GINS2: variants seen among roughly 807,000 people sequenced by gnomAD.
GINS2 encodes the protein DNA replication complex GINS protein PSF2.
A neutral mutation model predicts 21.2 loss-of-function variants in GINS2; 23 were observed. The observed-to-expected ratio is 1.08, with a 90% CI of 0.78 to 1.53. The LOEUF (loss-of-function observed/expected upper bound fraction) is 1.53. Ranked by LOEUF, GINS2 falls within the 40% of genes most tolerant of loss-of-function variation. GINS2 has a pLI of 0.00. For synonymous variants in GINS2, 118 were observed against 85.6 expected (o/e 1.38, Z -2.09); for missense variants, 323 against 233.9 (o/e 1.38, Z -2.49).
In GINS2 at chr16:85,676,518, C is replaced by T. The variant is rs944895197; in HGVS notation, c.*1694G>A. On this transcript the variant is annotated 3_prime_UTR_variant, in exon 5 of 5. Transcript: ENST00000253462. ...TCTGACCCTTCAGTGTCCAAATAAC[C>T]ACCAAAACCTGCCTGGCGGGGACAC... is the stretch of plus-strand genomic sequence containing the variant. 1 of 152,258 alleles carries T rather than the reference C, an allele frequency of 6.6e-6. No individual in the cohort carries two copies. Among genetic ancestry groups the T allele is most frequent in the Non-Finnish European group, 1.5e-5 (1 of 68,080 alleles). 9.4% of individuals were successfully genotyped at this position (152,258 alleles called of 1,614,324 possible). A position where few individuals can be genotyped will look rare whatever the true frequency, so the allele number is the denominator to read the frequency against.
intron 2 of GINS2, among the ~76,000 whole-genome samples, chr16:85,683,493 ACTGCAGCCCACAGCCTGCTC>A (rs1307555789): frequency 6.6e-6 from 1 of 151,990 alleles, no homozygotes; most frequent in African/African-American, 2.4e-5. Flanking sequence ...CCTGATACCC[ACTGCAGCCCACAGCCTGCTC>A]CTGCAGCCTC....
chr16:85,687,431 G>T (rs759977646), intron 2 of GINS2, 29 bp downstream of exon 2: 2 of 1,283,320 alleles, frequency 1.6e-6, no homozygotes, highest in Non-Finnish European at 2.1e-6. Flanking sequence ...CCCCACCCAC[G>T]CATCAACCAG....
chr16:85,688,825 T>C lies in GINS2; in HGVS notation c.74A>G (p.Lys25Arg). The C allele has an allele frequency of 1.3e-6, 2 of 1,541,312 alleles. No homozygotes were observed. Among genetic ancestry groups the C allele is most frequent in the Non-Finnish European group, 1.8e-6 (2 of 1,141,582 alleles). ...AGGCCTCACCCCGATGAGGTAGATCTTGTCCAGACTGAAGTTGGGGATAAT... is the reference window on the plus strand; with the variant it reads ...AGGCCTCACCCCGATGAGGTAGATCCTGTCCAGACTGAAGTTGGGGATAAT... ...VTIIPNFSLD[K>R]IYLIGGDLGP... Residue 25 changes from lysine (K) to arginine (R), a missense_variant, in exon 1 of 5, where the codon AAG becomes AGG. Lys to Arg is a conservative substitution (Grantham distance 26). Transcript: ENST00000253462.
rs147107148 is a variant in GINS2 at position 85,681,721 on chromosome 16, C to G, written c.206-40G>C. On this transcript the variant is annotated intron_variant, in intron 2 of 4. Coordinates refer to ENST00000253462, the MANE Select transcript of GINS2 (RefSeq NM_016095.3). ...TTAATACATTTTACCATCATTATAA[C>G]CAAGATATTTATTAAACCTTCCAAA... 2.4e-6 allele frequency: 3 copies of G among 1,249,736 alleles called. No individual in the cohort carries two copies. In the African/African-American group the frequency reaches 4.5e-5, roughly 19 times the overall value. The allele number at this position is 1,249,736 out of a possible 1,614,324, so 77.4% of individuals were successfully genotyped here.
intron 2 of GINS2, among the ~76,000 whole-genome samples, chr16:85,682,379 G>C (rs1489255235): frequency 6.6e-6 from 1 of 152,102 alleles, no homozygotes; most frequent in Non-Finnish European, 1.5e-5. Flanking sequence ...ACTAAGCCTT[G>C]TTCAGAAGGG....
rs368515344 is a variant in GINS2, at chr16:85,688,915, G to T, written c.-17C>A. ...AGCGTCCATGGCGGCGCGAGCTGCAGGCCAGAGCCTCACGGTCTCCTCGGG... is the reference window on the plus strand; with the variant it reads ...AGCGTCCATGGCGGCGCGAGCTGCATGCCAGAGCCTCACGGTCTCCTCGGG... On this transcript the variant is annotated 5_prime_UTR_variant, in exon 1 of 5. It adds an upstream start codon to the 5' untranslated region. Coordinates refer to ENST00000253462, the MANE Select transcript of GINS2 (RefSeq NM_016095.3). 9 of 1,522,928 alleles carry T rather than the reference G, an allele frequency of 5.9e-6. No homozygotes were observed. The East Asian group carries it at 1.8e-4, about 30-fold the overall frequency. 94.3% of individuals were successfully genotyped at this position (1,522,928 alleles called of 1,614,324 possible).
intron 1 of GINS2, among the ~76,000 whole-genome samples, chr16:85,688,273 C>A (rs78266357): frequency 0.067 from 10,126 of 152,066 alleles, 1,097 homozygotes; most frequent in African/African-American, 0.23. Flanking sequence ...ATAAGCCGGG[C>A]GCAGTGGCTC....
Position 85,678,125 on chromosome 16 carries a change from G to C in GINS2, c.*87C>G, listed in dbSNP as rs1011091572. On this transcript the variant is annotated 3_prime_UTR_variant, in exon 5 of 5. Transcript: ENST00000253462. Reference sequence around the variant, plus strand: ...ATCACACATTTTTCATGCATCAGAAGTGTTTCTAGAGCTCCAGAACCACGA... The same window carrying C: ...ATCACACATTTTTCATGCATCAGAACTGTTTCTAGAGCTCCAGAACCACGA... 6 of 1,142,712 alleles carry C rather than the reference G, an allele frequency of 5.3e-6. No homozygotes were observed. In the African/African-American group the frequency reaches 9.3e-5, roughly 18 times the overall value. 70.8% of individuals were successfully genotyped at this position (1,142,712 alleles called of 1,614,324 possible).
At chr16:85,685,501 TAAA>T (rs67378379) in intron 2 of GINS2, among the ~76,000 whole-genome samples, 1 of 139,250 alleles carries the variant, frequency 7.2e-6, no homozygotes, top group African/African-American at 2.6e-5. Context: ...CCATCTCCAC[TAAA>T]AAAAAAAAAT....
At chr16:85,679,936 G>A (rs573886257) in intron 3 of GINS2, among the ~76,000 whole-genome samples, 1 of 152,092 alleles carries the variant, frequency 6.6e-6, no homozygotes, top group South Asian at 2.1e-4. Context: ...CTGCTTGCCC[G>A]GCTACACCAG....
intron 3 of GINS2, among the ~76,000 whole-genome samples, chr16:85,680,382 T>TTTTTATTC (rs2053721413): frequency 6.6e-6 from 1 of 152,220 alleles, no homozygotes; most frequent in Non-Finnish European, 1.5e-5. Flanking sequence ...GTGTCACAAT[T>TTTTTATTC]TTTTATTCTA....
At chr16:85,681,056 G>T (rs934547675) in intron 3 of GINS2, among the ~76,000 whole-genome samples, 1 of 152,234 alleles carries the variant, frequency 6.6e-6, no homozygotes, top group Non-Finnish European at 1.5e-5. Flanking sequence ...ACAAGCTACG[G>T]AGTTACTACA....
At chr16:85,682,021 C>CT (rs56847154) in intron 2 of GINS2, among the ~76,000 whole-genome samples, 2,864 of 73,338 alleles carry the variant, frequency 0.039, 609 homozygotes, top group East Asian at 0.077. Flanking sequence ...CCTTTACCGC[C>CT]TTTTTTTTTT....
At chr16:85,685,685 A>AAAAAAAAAAAAAAAAAAAAC (rs56405044) in intron 2 of GINS2, among the ~76,000 whole-genome samples, 13 of 120,994 alleles carry the variant, frequency 1.1e-4, no homozygotes, top group South Asian at 2.7e-4. Context: ...AAAAAAAAAA[A>AAAAAAAAAAAAAAAAAAAAC]AAAAAACCGT....
rs1184448866 is a variant in GINS2 at position 85,677,661 on chromosome 16, A to G, written c.*551T>C. 1 of 152,320 alleles carries G rather than the reference A, an allele frequency of 6.6e-6. No individual in the cohort carries two copies. The highest frequency in any genetic ancestry group is 2.4e-5 in the African/African-American group (1 of 41,372). 9.4% of individuals were successfully genotyped at this position (152,320 alleles called of 1,614,324 possible). On this transcript the variant is annotated 3_prime_UTR_variant, in exon 5 of 5. Transcript: ENST00000253462. ...TGGTAGTTACGCAGCACAAAAACCT[A>G]GAGAGTCAGAGCTGAGTTGGGTCCA...
chr16:85,678,036 T>C lies in GINS2; in HGVS notation c.*176A>G, dbSNP rs1351775329. 1 of 583,490 alleles carries C rather than the reference T, an allele frequency of 1.7e-6. No individual in the cohort carries two copies. The highest frequency in any genetic ancestry group is 2.3e-5 in the South Asian group (1 of 42,666). 36.1% of individuals were successfully genotyped at this position (583,490 alleles called of 1,614,324 possible). On this transcript the variant is annotated 3_prime_UTR_variant, in exon 5 of 5. Transcript: ENST00000253462. ...GGAATTGAAGAATGTCCCAGGGAGCTAAGTTTTAAGGACTAATCACAAACT... is the reference window on the plus strand; with the variant it reads ...GGAATTGAAGAATGTCCCAGGGAGCCAAGTTTTAAGGACTAATCACAAACT...
intron 2 of GINS2, among the ~76,000 whole-genome samples, chr16:85,686,129 G>T (rs552553954): frequency 6.6e-6 from 1 of 152,076 alleles, no homozygotes; most frequent in Non-Finnish European, 1.5e-5. Context: ...CAGCTTTATT[G>T]AAGCATAATT....
At position 85,685,685 on chromosome 16, in the gene GINS2, A is replaced by AAAAC. The variant is rs1555579588; in HGVS notation, c.205+1774_205+1775insGTTT. ...GACCCTTTCTCAAAAAAAAAAAAAA[A>AAAAC]AAAAAACCGTCTCAAAGCAGAGGAA... is the stretch of plus-strand genomic sequence containing the variant. On this transcript the variant is annotated intron_variant, in intron 2 of 4. Coordinates refer to ENST00000253462, the MANE Select transcript of GINS2 (RefSeq NM_016095.3). Among the ~76,000 whole-genome samples the AAAAC allele has an allele frequency of 2.1e-4, 25 of 121,008 alleles. 5 individuals carry two copies. The highest frequency in any genetic ancestry group is 5.3e-4 in the South Asian group (2 of 3,746). 79.4% of individuals were successfully genotyped at this position (121,008 alleles called of 152,430 possible). A position where few individuals can be genotyped will look rare whatever the true frequency, so the allele number is the denominator to read the frequency against.
chr16:85,682,138 C>T (rs575185952), intron 2 of GINS2, among the ~76,000 whole-genome samples: 4 of 150,710 alleles, frequency 2.7e-5, no homozygotes, highest in Non-Finnish European at 5.9e-5. Context: ...GCAATCCTCC[C>T]GCCTCAGCCT....
Sources: gnomAD v4.1 joint callset for allele counts (sites outside exome capture counted in the v4.1 genomes callset) on GRCh38, gnomAD v4.1.1 for gene constraint, MANE v1.5 for transcripts, NCBI Gene and HGNC (gene_info 2026-07-23, HGNC 2026-07-21) for gene names.